The following SNX29 variants were observed in gnomAD, a reference collection of about 807,000 sequenced individuals.
SNX29 encodes the protein sorting nexin-29.
A neutral mutation model predicts 102.1 loss-of-function variants in SNX29; 78 were observed. The observed-to-expected ratio is 0.76, with a 90% CI of 0.64 to 0.92. The LOEUF is 0.92. SNX29 is among the 40% of genes least tolerant of loss of function. The pLI is 0.00. For synonymous variants in SNX29, 580 were observed against 414.5 expected (o/e 1.40, Z -4.85); for missense variants, 1,280 against 1,061.7 (o/e 1.21, Z -2.86).
At chr16:12,021,400 TG>T (rs1347042916) in intron 3 of SNX29, among the ~76,000 whole-genome samples, 1 of 151,498 alleles carries the variant, frequency 6.6e-6, no homozygotes, top group African/African-American at 2.4e-5. Flanking sequence ...CACTCCATTT[TG>T]GGCAACAGAG....
At chr16:12,299,842 T>C (rs1167565260) in intron 15 of SNX29, among the ~76,000 whole-genome samples, 1 of 151,286 alleles carries the variant, frequency 6.6e-6, no homozygotes, top group African/African-American at 2.4e-5. Context: ...TTTCTTACAC[T>C]AGAAATCTCT....
At chr16:12,564,817 G>A (rs114679868) in intron 20 of SNX29, among the ~76,000 whole-genome samples, 4,269 of 151,980 alleles carry the variant, frequency 0.028, 196 homozygotes, top group African/African-American at 0.096. Context: ...CAGAAGTCTC[G>A]GTGGTACACA....
intron 18 of SNX29, among the ~76,000 whole-genome samples, chr16:12,434,657 A>G (rs1192546009): frequency 6.6e-6 from 1 of 152,108 alleles, no homozygotes; most frequent in Non-Finnish European, 1.5e-5. Flanking sequence ...GGGACCCGCC[A>G]ACACCCCTGC....
intron 14 of SNX29, among the ~76,000 whole-genome samples, chr16:12,200,261 C>A (rs547712310): frequency 6.6e-6 from 1 of 152,116 alleles, no homozygotes; most frequent in African/African-American, 2.4e-5. Flanking sequence ...GAAATTCCAG[C>A]AGATAGAAGA....
At chr16:12,519,695 T>C (rs2090017976) in intron 19 of SNX29, among the ~76,000 whole-genome samples, 1 of 152,216 alleles carries the variant, frequency 6.6e-6, no homozygotes, top group Admixed American at 6.5e-5. Flanking sequence ...TTTGTCTTAT[T>C]TAAAATTTTT....
Position 12,571,909 on chromosome 16 carries a change from T to G in SNX29, c.*3280T>G. On this transcript the variant is annotated 3_prime_UTR_variant, in exon 21 of 21. Transcript: ENST00000566228. ...AGGTTCAAAGCCCCCTGCATTTCTC[T>G]ACTGGCAGGCCCTGGTGAAGGAAGA... The G allele has an allele frequency of 5.6e-6, 6 of 1,061,988 alleles. No homozygotes were observed. Among genetic ancestry groups the G allele is most frequent in the Non-Finnish European group, 6.8e-6 (6 of 877,162 alleles). 65.8% of individuals were successfully genotyped at this position (1,061,988 alleles called of 1,614,324 possible). A position where few individuals can be genotyped will look rare whatever the true frequency, so the allele number is the denominator to read the frequency against.
intron 20 of SNX29, among the ~76,000 whole-genome samples, chr16:12,566,333 AAC>A (rs1199894538): frequency 6.6e-6 from 1 of 152,038 alleles, no homozygotes; most frequent in African/African-American, 2.4e-5. Context: ...ACCCCTTCAT[AAC>A]AGTCACCCCA....
intron 15 of SNX29, among the ~76,000 whole-genome samples, chr16:12,343,491 G>T (rs892591834): frequency 6.6e-6 from 1 of 152,162 alleles, no homozygotes; most frequent in Non-Finnish European, 1.5e-5. Flanking sequence ...CGAGGAAATG[G>T]GAGCAGATGA....
intron 1 of SNX29, chr16:11,983,505 T>C (rs751417737): frequency 2.3e-5 from 5 of 221,674 alleles, no homozygotes; most frequent in Non-Finnish European, 3.8e-5. Context: ...AAAAAGAATA[T>C]TTGTGGTTTT....
At chr16:12,087,536 G>A in intron 11 of SNX29, 1 of 279,352 alleles carries the variant, frequency 3.6e-6, no homozygotes. Context: ...GTTCGAGGCT[G>A]CATTGAGCAG....
intron 15 of SNX29, among the ~76,000 whole-genome samples, chr16:12,340,385 G>C (rs2081576682): frequency 6.6e-6 from 1 of 152,196 alleles, no homozygotes; most frequent in Non-Finnish European, 1.5e-5. Flanking sequence ...TCCTAACCTT[G>C]AGCTCTAGGA....
chr16:12,251,544 A>G (rs1165342826), intron 14 of SNX29, among the ~76,000 whole-genome samples: 1 of 152,082 alleles, frequency 6.6e-6, no homozygotes, highest in Non-Finnish European at 1.5e-5. Flanking sequence ...CTCTACTACA[A>G]ATACAAAAAT....
rs779503332 is a variant in SNX29 at position 12,569,341 on chromosome 16, C to G, written c.*712C>G. On this transcript the variant is annotated 3_prime_UTR_variant, in exon 21 of 21. Coordinates refer to ENST00000566228, the MANE Select transcript of SNX29 (RefSeq NM_032167.5). ...AGTGCCCTCCATAGCCTGAGGCCAC[C>G]TAGGCCCTCGCCAGGCTTGGAGTGG... The G allele has an allele frequency of 8.7e-6, 2 of 230,350 alleles. No individual in the cohort carries two copies. Among genetic ancestry groups the G allele is most frequent in the East Asian group, 1.2e-4 (2 of 16,244 alleles). 14.3% of individuals were successfully genotyped at this position (230,350 alleles called of 1,614,324 possible).
At chr16:12,274,964 G>C (rs1310741694) in intron 14 of SNX29, among the ~76,000 whole-genome samples, 1 of 152,084 alleles carries the variant, frequency 6.6e-6, no homozygotes. Flanking sequence ...ATTACCCACA[G>C]TTTGCTTTTG....
intron 20 of SNX29, chr16:12,557,498 A>C (rs553087576): frequency 5.3e-5 from 8 of 152,138 alleles, no homozygotes; most frequent in Non-Finnish European, 1.2e-4. Context: ...AGTAGCTGGG[A>C]TTACAGGAAC....
chr16:12,165,185 G>A (rs1342357913), intron 13 of SNX29, among the ~76,000 whole-genome samples: 2 of 152,202 alleles, frequency 1.3e-5, no homozygotes, highest in African/African-American at 4.8e-5. Flanking sequence ...AGTATAAATC[G>A]AGTAGGCCTG....
At chr16:12,446,244 C>T (rs915438706) in intron 18 of SNX29, among the ~76,000 whole-genome samples, 7 of 151,828 alleles carry the variant, frequency 4.6e-5, no homozygotes, top group Admixed American at 2.6e-4. Context: ...TTAGTAGAGA[C>T]GGGGTTTCAC....
intron 13 of SNX29, among the ~76,000 whole-genome samples, chr16:12,131,364 C>T (rs1043953837): frequency 1.3e-5 from 2 of 152,230 alleles, no homozygotes; most frequent in African/African-American, 4.8e-5. Context: ...TTACATGCAT[C>T]TTTACTGAAT....
intron 19 of SNX29, among the ~76,000 whole-genome samples, chr16:12,500,550 G>C (rs2089067395): frequency 6.6e-6 from 1 of 152,242 alleles, no homozygotes; most frequent in South Asian, 2.1e-4. Context: ...ATGCATTGGT[G>C]CCAGGCTTTC....
Sources: allele counts gnomAD v4.1 joint callset (sites outside exome capture counted in the v4.1 genomes callset), GRCh38; gene constraint gnomAD v4.1.1; transcripts MANE v1.5; gene names NCBI Gene and HGNC (gene_info 2026-07-23, HGNC 2026-07-21).